The following KIF26B variants were observed in gnomAD, a reference collection of about 807,000 sequenced individuals.
KIF26B encodes kinesin-like protein KIF26B.
In KIF26B, 63 loss-of-function variants were observed where a neutral mutation model predicts 151.2. The observed-to-expected ratio is 0.42, with a 90% CI of 0.34 to 0.51. KIF26B has a LOEUF of 0.51. Among genes scored for constraint, KIF26B ranks in the 20% least tolerant of loss-of-function variants. The pLI is 0.07. For synonymous variants in KIF26B, 1,357 were observed against 1,262.1 expected, an observed-to-expected ratio of 1.08 and a Z score of -1.59; for missense variants, 2,813 against 2,913.6, an observed-to-expected ratio of 0.97 and a Z score of 0.79.
intron 4 of KIF26B, among the ~76,000 whole-genome samples, chr1:245,483,576 A>T (rs1660213951): frequency 6.6e-6 from 1 of 151,934 alleles, no homozygotes; most frequent in South Asian, 2.1e-4. Context: ...TTGCTAATTA[A>T]TTTTGGGGGG....
chr1:245,291,495 A>G (rs954850068), intron 2 of KIF26B, among the ~76,000 whole-genome samples: 4 of 152,286 alleles, frequency 2.6e-5, no homozygotes, highest in Middle Eastern at 3.4e-3. Context: ...TGACCCAAGC[A>G]TGCAGGCCTT....
rs1402297768 is a variant in KIF26B, at chr1:245,510,580, C to CTCTCTA, written c.1167-30182_1167-30181insATCTCT. ...GGCTGTCTCTTTTAGCAGAGCTTCT[C>CTCTCTA]TCTCTCTCTCTCTCTCTCTCTCTCT... On this transcript the variant is annotated intron_variant, in intron 4 of 14. Transcript: ENST00000407071. Among the ~76,000 whole-genome samples the CTCTCTA allele has an allele frequency of 8.9e-4, 8 of 8,942 alleles. No individual in the cohort carries two copies. In the South Asian group the frequency reaches 0.031, roughly 35 times the overall value. The allele number at this position is 8,942 out of a possible 152,430, so 5.9% of individuals were successfully genotyped here. A position where few individuals can be genotyped will look rare whatever the true frequency, so the allele number is the denominator to read the frequency against.
intron 2 of KIF26B, among the ~76,000 whole-genome samples, chr1:245,336,903 T>C (rs1009490169): frequency 1.3e-5 from 2 of 152,208 alleles, no homozygotes; most frequent in African/African-American, 4.8e-5. Flanking sequence ...TCATTAACAG[T>C]TGAAGAAGCA....
chr1:245,246,269 T>C (rs1182385506), intron 2 of KIF26B, among the ~76,000 whole-genome samples: 1 of 152,210 alleles, frequency 6.6e-6, no homozygotes, highest in Non-Finnish European at 1.5e-5. Flanking sequence ...AAAGTTCCAC[T>C]TTTTAGGTGG....
At chr1:245,468,623 G>C (rs1399091269) in intron 4 of KIF26B, among the ~76,000 whole-genome samples, 1 of 152,108 alleles carries the variant, frequency 6.6e-6, no homozygotes, top group African/African-American at 2.4e-5. Context: ...GGAGCTGTTA[G>C]CCAAAAGAGG....
chr1:245,283,023 A>G (rs1671091027), intron 2 of KIF26B: 1 of 273,732 alleles, frequency 3.7e-6, no homozygotes. Flanking sequence ...CATGGCTTGC[A>G]ACACCTAATG....
chr1:245,440,611 C>T (rs933937670), intron 4 of KIF26B, among the ~76,000 whole-genome samples: 6 of 152,328 alleles, frequency 3.9e-5, no homozygotes, highest in Middle Eastern at 3.4e-3. Context: ...TAGAGGGTCA[C>T]AGCCTGCCTC....
intron 4 of KIF26B, among the ~76,000 whole-genome samples, chr1:245,501,018 T>G (rs1660609319): frequency 6.6e-6 from 1 of 152,222 alleles, no homozygotes; most frequent in South Asian, 2.1e-4. Flanking sequence ...CCACTTACTA[T>G]GCGTATGTGA....
intron 4 of KIF26B, among the ~76,000 whole-genome samples, chr1:245,520,698 A>T (rs959138232): frequency 1.3e-5 from 2 of 152,022 alleles, no homozygotes; most frequent in Admixed American, 1.3e-4. Context: ...ACTGCATAGC[A>T]TGCACCATTC....
At chr1:245,507,081 A>G (rs1660741213) in intron 4 of KIF26B, among the ~76,000 whole-genome samples, 1 of 152,190 alleles carries the variant, frequency 6.6e-6, no homozygotes, top group South Asian at 2.1e-4. Context: ...AATTTCCTCT[A>G]GATGAGAGAA....
At chr1:245,562,049 C>T (rs1038050481) in intron 5 of KIF26B, among the ~76,000 whole-genome samples, 5 of 152,108 alleles carry the variant, frequency 3.3e-5, no homozygotes, top group East Asian at 3.9e-4. Context: ...ACCTGGGGGG[C>T]ATCTTCAGTG....
chr1:245,165,623 G>T (rs1043678371), intron 2 of KIF26B, among the ~76,000 whole-genome samples: 1 of 152,160 alleles, frequency 6.6e-6, no homozygotes, highest in African/African-American at 2.4e-5. Flanking sequence ...TGAAGTGGTG[G>T]AGACCATTGA....
intron 5 of KIF26B, among the ~76,000 whole-genome samples, chr1:245,581,926 G>GAGGAAGGA (rs141698408): frequency 0.23 from 33,260 of 142,116 alleles, 4,274 homozygotes; most frequent in East Asian, 0.33. Flanking sequence ...AAGAGAGAAA[G>GAGGAAGGA]AGGAAGGAAG....
intron 4 of KIF26B, among the ~76,000 whole-genome samples, chr1:245,474,536 C>T (rs1432931788): frequency 3.4e-5 from 5 of 146,166 alleles, no homozygotes; most frequent in African/African-American, 9.9e-5. Flanking sequence ...CTCAGCCTCC[C>T]GAGTAGCTGG....
At chr1:245,505,866 G>A (rs1660720659) in intron 4 of KIF26B, among the ~76,000 whole-genome samples, 1 of 152,114 alleles carries the variant, frequency 6.6e-6, no homozygotes, top group African/African-American at 2.4e-5. Context: ...TCTCTGCGTT[G>A]TATTTTCAGA....
At chr1:245,266,169 G>A (rs1670741023) in intron 2 of KIF26B, among the ~76,000 whole-genome samples, 1 of 152,092 alleles carries the variant, frequency 6.6e-6, no homozygotes, top group Admixed American at 6.5e-5. Context: ...AGAGAAAATA[G>A]GAATAGTTAA....
At chr1:245,582,799 T>TGCCC (rs769921541) in intron 5 of KIF26B, among the ~76,000 whole-genome samples, 3 of 152,190 alleles carry the variant, frequency 2.0e-5, no homozygotes, top group Non-Finnish European at 4.4e-5. Flanking sequence ...AACAATAATA[T>TGCCC]GCCCACCTTA....
intron 2 of KIF26B, among the ~76,000 whole-genome samples, chr1:245,331,797 G>A (rs1306912701): frequency 6.6e-6 from 1 of 152,136 alleles, no homozygotes; most frequent in Non-Finnish European, 1.5e-5. Context: ...GAAAATGCAG[G>A]GATTTTTAAA....
At chr1:245,179,727 G>T (rs897331645) in intron 2 of KIF26B, among the ~76,000 whole-genome samples, 6 of 152,182 alleles carry the variant, frequency 3.9e-5, no homozygotes, top group African/African-American at 1.4e-4. Context: ...TGTCGTAAAG[G>T]CTGTGGCACA....
Sources: allele counts gnomAD v4.1 joint callset (sites outside exome capture counted in the v4.1 genomes callset), GRCh38; gene constraint gnomAD v4.1.1; transcripts MANE v1.5; gene names NCBI Gene and HGNC (gene_info 2026-07-23, HGNC 2026-07-21).